SNAPC3: variants seen among roughly 807,000 people sequenced by gnomAD.
SNAPC3 encodes small nuclear RNA activating complex polypeptide 3, also known as snRNA-activating protein complex subunit 3.
In SNAPC3, 56 loss-of-function variants were observed where a neutral mutation model predicts 47.7. The ratio of observed to expected loss-of-function variants is 1.18; its 90% CI spans 0.95 to 1.47. SNAPC3 has a LOEUF of 1.47. Among genes scored for constraint, SNAPC3 ranks in the 40% most tolerant of loss-of-function variants. SNAPC3 has a pLI of 0.00. For synonymous variants in SNAPC3, 235 were observed against 189.9 expected (o/e 1.24, Z -1.95); for missense variants, 665 against 511.3 (o/e 1.30, Z -2.90).
chr9:15,447,269 CAA>C (rs2034010135), intron 5 of SNAPC3, 25 bp downstream of exon 5: 1 of 1,608,950 alleles, frequency 6.2e-7, no homozygotes, highest in Admixed American at 1.7e-5. Flanking sequence ...TCCCATAAAA[CAA>C]AAGGAAATAA....
chr9:15,444,392 C>CA (rs1488351657), intron 3 of SNAPC3, among the ~76,000 whole-genome samples: 1 of 152,214 alleles, frequency 6.6e-6, no homozygotes, highest in Non-Finnish European at 1.5e-5. Context: ...ACATTCCCAG[C>CA]AACAGTACAG....
rs576090250 is a variant in SNAPC3, at chr9:15,460,945, C to G, written c.*1079C>G. The G allele has an allele frequency of 6.6e-6, 1 of 152,056 alleles. No homozygotes were observed. Among genetic ancestry groups the G allele is most frequent in the East Asian group, 1.9e-4 (1 of 5,190 alleles). 9.4% of individuals were successfully genotyped at this position (152,056 alleles called of 1,614,324 possible). Reference sequence around the variant, plus strand: ...AAAAACAATAGCAGATTTCGTATGACTGTGGGGACATGGAAAAATCAAGAT... The same window carrying G: ...AAAAACAATAGCAGATTTCGTATGAGTGTGGGGACATGGAAAAATCAAGAT... On this transcript the variant is annotated 3_prime_UTR_variant, in exon 9 of 9. Coordinates refer to ENST00000380821, the MANE Select transcript of SNAPC3 (RefSeq NM_001039697.2).
At chr9:15,443,815 G>A (rs1020228253) in intron 3 of SNAPC3, among the ~76,000 whole-genome samples, 2 of 152,232 alleles carry the variant, frequency 1.3e-5, no homozygotes, top group African/African-American at 2.4e-5. Flanking sequence ...GGCGAGGGGC[G>A]AAGGAGTGAG....
At chr9:15,455,399 T>C (rs984497134) in intron 7 of SNAPC3, among the ~76,000 whole-genome samples, 1 of 152,092 alleles carries the variant, frequency 6.6e-6, no homozygotes, top group Non-Finnish European at 1.5e-5. Context: ...AAATCCTGTC[T>C]CTACTAAAAA....
At chr9:15,465,605 A>G (rs761258109), downstream of SNAPC3, 3 of 1,528,836 alleles carry the variant, frequency 2.0e-6, no homozygotes, top group South Asian at 1.2e-5. Flanking sequence ...GAAAGGTACA[A>G]CTGGAATTAG....
chr9:15,428,173 G>A (rs1340376160), intron 2 of SNAPC3, among the ~76,000 whole-genome samples: 1 of 147,650 alleles, frequency 6.8e-6, no homozygotes, highest in East Asian at 2.0e-4. Context: ...TGGCTAGAAT[G>A]ACAGAAAAGA....
intron 3 of SNAPC3, among the ~76,000 whole-genome samples, chr9:15,435,974 G>A (rs1407909976): frequency 6.6e-6 from 1 of 151,542 alleles, no homozygotes; most frequent in Admixed American, 6.6e-5. Context: ...CTCCCAAGTG[G>A]CTGGGATTAC....
chr9:15,464,225 G>C (rs2035454842), downstream of SNAPC3: 1 of 191,846 alleles, frequency 5.2e-6, no homozygotes, highest in East Asian at 8.4e-5. Context: ...TCCATTATAA[G>C]ACCTCTTTAA....
At chr9:15,465,315 T>A, downstream of SNAPC3, 1 of 478,404 alleles carries the variant, frequency 2.1e-6, no homozygotes. Context: ...TATCCCACAT[T>A]TACTGTATAA....
intron 3 of SNAPC3, among the ~76,000 whole-genome samples, chr9:15,435,850 T>TTTC (rs2032742702): frequency 6.7e-6 from 1 of 148,550 alleles, no homozygotes; most frequent in Non-Finnish European, 1.5e-5. Context: ...CTTTCTTTTT[T>TTTC]TTTTTTTTTT....
intron 2 of SNAPC3, among the ~76,000 whole-genome samples, chr9:15,427,039 A>G (rs189432385): frequency 6.6e-5 from 10 of 152,358 alleles, no homozygotes; most frequent in South Asian, 2.1e-4. Context: ...AAAATAAAAC[A>G]TAAGTACATC....
At chr9:15,436,974 C>G (rs974032840) in intron 3 of SNAPC3, among the ~76,000 whole-genome samples, 3 of 148,900 alleles carry the variant, frequency 2.0e-5, no homozygotes, top group Admixed American at 6.7e-5. Context: ...CAGGTGCATG[C>G]CACCATGCCC....
chr9:15,455,131 TAAAC>T (rs1162582774), intron 7 of SNAPC3, among the ~76,000 whole-genome samples: 1 of 152,136 alleles, frequency 6.6e-6, no homozygotes, highest in Admixed American at 6.5e-5. Flanking sequence ...AGCTAAATTC[TAAAC>T]AAACAATTAA....
Position 15,434,000 on chromosome 9 carries a change from ATTT to A in SNAPC3, c.477+365_477+367del, listed in dbSNP as rs1326300296. 3.5e-4 allele frequency among the ~76,000 whole-genome samples: 53 copies of A among 152,272 alleles called. No individual in the cohort carries two copies. In the South Asian group the frequency reaches 0.011, roughly 31 times the overall value. On this transcript the variant is annotated intron_variant, in intron 3 of 8. Coordinates refer to ENST00000380821, the MANE Select transcript of SNAPC3 (RefSeq NM_001039697.2). ...ATCTCTTGTGTAAAACTTTGGGAAA[ATTT>A]AAGATGATGACTCTTGAGGAATTAG...
chr9:15,450,582 T>C (rs942557274), intron 5 of SNAPC3, among the ~76,000 whole-genome samples: 4 of 152,196 alleles, frequency 2.6e-5, no homozygotes, highest in Admixed American at 1.3e-4. Context: ...AGAACTCAGG[T>C]CTTCTGACCC....
intron 3 of SNAPC3, among the ~76,000 whole-genome samples, chr9:15,440,998 C>A (rs142136100): frequency 6.6e-6 from 1 of 151,666 alleles, no homozygotes; most frequent in East Asian, 1.9e-4. Flanking sequence ...TCTATCTGCC[C>A]ATTCTCTGGT....
rs915422027 is a variant in SNAPC3 at position 15,433,465 on chromosome 9, A to G, written c.393-87A>G. On this transcript the variant is annotated intron_variant, in intron 2 of 8. Transcript: ENST00000380821. ...TGCTACTTAAAATTAGTTCAAAATA[A>G]AAAAACTTGAATGTTAAATATGTTT... 5.8e-5 allele frequency: 50 copies of G among 855,850 alleles called. No homozygotes were observed. The African/African-American group carries it at 8.0e-4, about 14-fold the overall frequency. 53.0% of individuals were successfully genotyped at this position (855,850 alleles called of 1,614,324 possible).
intron 3 of SNAPC3, among the ~76,000 whole-genome samples, chr9:15,441,378 C>CTTTTTTTTTTTTT (rs1351664407): frequency 2.7e-4 from 11 of 40,514 alleles, no homozygotes; most frequent in African/African-American, 7.6e-4. Context: ...CAAGAGTTCC[C>CTTTTTTTTTTTTT]TTTTCTTTTT....
intron 2 of SNAPC3, among the ~76,000 whole-genome samples, chr9:15,424,421 T>C (rs2131719852): frequency 6.6e-6 from 1 of 152,332 alleles, no homozygotes; most frequent in Non-Finnish European, 1.5e-5. Context: ...TGACAGTGTT[T>C]TTCAAACTAT....
Sources: gnomAD v4.1 joint callset for allele counts (sites outside exome capture counted in the v4.1 genomes callset) on GRCh38, gnomAD v4.1.1 for gene constraint, MANE v1.5 for transcripts, NCBI Gene and HGNC (gene_info 2026-07-23, HGNC 2026-07-21) for gene names.